Variants in TEC observed in about 807,000 individuals in gnomAD.
The protein encoded by TEC is tec protein tyrosine kinase, also known as tyrosine-protein kinase Tec.
TEC carries 72 observed loss-of-function variants against 93.0 expected under a neutral mutation model. The ratio of observed to expected loss-of-function variants is 0.77; its 90% confidence interval spans 0.64 to 0.94. TEC has a LOEUF of 0.94. Among genes scored for constraint, TEC ranks in the 40% least tolerant of loss-of-function variants. TEC has a pLI of 0.00. For missense variants in TEC, 630 were observed against 757.9 expected, an observed-to-expected ratio of 0.83 and a Z score of 1.98; for synonymous variants, 249 against 247.7, an observed-to-expected ratio of 1.01 and a Z score of -0.05.
chr4:48,257,715 T>G (rs555122209), intron 1 of TEC, among the ~76,000 whole-genome samples: 2 of 152,306 alleles, frequency 1.3e-5, no homozygotes, highest in South Asian at 4.1e-4. Context: ...TACTTGGGAA[T>G]AAAGAAGGTA....
At chr4:48,160,836 A>G (rs1242612700) in intron 8 of TEC, among the ~76,000 whole-genome samples, 3 of 144,992 alleles carry the variant, frequency 2.1e-5, no homozygotes, top group African/African-American at 5.0e-5. Context: ...AGAGGGAGGG[A>G]GGGAGAGAGG....
chr4:48,137,096 A>G lies in TEC; in HGVS notation c.*320T>C, dbSNP rs147507278. 2 of 261,974 alleles carry G rather than the reference A, an allele frequency of 7.6e-6. No homozygotes were observed. Among genetic ancestry groups the G allele is most frequent in the African/African-American group, 4.5e-5 (2 of 44,478 alleles). 16.2% of individuals were successfully genotyped at this position (261,974 alleles called of 1,614,324 possible). On this transcript the variant is annotated 3_prime_UTR_variant, in exon 18 of 18. Coordinates refer to ENST00000381501, the MANE Select transcript of TEC (RefSeq NM_003215.3). Reference sequence around the variant, plus strand: ...TGGCCTTCAACTGGCATCAGCTAACATGGTCCCATGTGTGCACCCCTGAAT... The same window carrying G: ...TGGCCTTCAACTGGCATCAGCTAACGTGGTCCCATGTGTGCACCCCTGAAT...
intron 2 of TEC, among the ~76,000 whole-genome samples, chr4:48,224,343 C>A (rs1357656957): frequency 6.6e-6 from 1 of 152,176 alleles, no homozygotes; most frequent in South Asian, 2.1e-4. Flanking sequence ...AACATCTCAA[C>A]CTATAGAAAT....
chr4:48,196,508 A>G (rs1722306413), intron 2 of TEC, among the ~76,000 whole-genome samples: 1 of 152,236 alleles, frequency 6.6e-6, no homozygotes, highest in Non-Finnish European at 1.5e-5. Flanking sequence ...GCTGACAAAC[A>G]GTTTAAGTGC....
At chr4:48,221,122 T>A (rs1723245616) in intron 2 of TEC, among the ~76,000 whole-genome samples, 1 of 152,196 alleles carries the variant, frequency 6.6e-6, no homozygotes, top group Non-Finnish European at 1.5e-5. Context: ...AACAACAGGA[T>A]AAAGAGATAC....
intron 1 of TEC, among the ~76,000 whole-genome samples, chr4:48,254,414 T>C (rs1245856286): frequency 6.6e-6 from 1 of 152,210 alleles, no homozygotes; most frequent in Non-Finnish European, 1.5e-5. Flanking sequence ...GCAATGCTGT[T>C]ACTCTGTGAG....
chr4:48,205,934 C>T (rs1722701215), intron 2 of TEC, among the ~76,000 whole-genome samples: 2 of 152,084 alleles, frequency 1.3e-5, no homozygotes, highest in South Asian at 4.1e-4. Context: ...GGAAACAACC[C>T]AAATATCCAC....
chr4:48,155,147 T>A (rs187229253), intron 9 of TEC, among the ~76,000 whole-genome samples: 100 of 152,322 alleles, frequency 6.6e-4, no homozygotes, highest in African/African-American at 2.3e-3. Flanking sequence ...CTATGAAAGT[T>A]GGAATGTTTG....
intron 1 of TEC, among the ~76,000 whole-genome samples, chr4:48,234,627 A>G (rs1723735375): frequency 6.6e-6 from 1 of 152,262 alleles, no homozygotes; most frequent in Admixed American, 6.5e-5. Flanking sequence ...AGAAAAGGAA[A>G]AATAATCACA....
intron 15 of TEC, 71 bp from the exon 16 acceptor site, chr4:48,139,093 T>C: frequency 2.2e-6 from 3 of 1,364,608 alleles, no homozygotes; most frequent in Non-Finnish European, 3.1e-6. Flanking sequence ...TCTTTCATTT[T>C]TTTCCCCTTG....
At chr4:48,262,343 C>T (rs528714048) in intron 1 of TEC, among the ~76,000 whole-genome samples, 7 of 151,542 alleles carry the variant, frequency 4.6e-5, no homozygotes, top group Non-Finnish European at 7.4e-5. Context: ...ATTACAGGCA[C>T]GTGCCACCAG....
chr4:48,142,078 G>A (rs762135646), intron 14 of TEC, among the ~76,000 whole-genome samples: 32 of 152,188 alleles, frequency 2.1e-4, no homozygotes, highest in African/African-American at 6.0e-4. Flanking sequence ...TCCTTAATCC[G>A]GTTCTCACTA....
At chr4:48,210,487 T>TA (rs576347308) in intron 2 of TEC, among the ~76,000 whole-genome samples, 21,756 of 147,338 alleles carry the variant, frequency 0.15, 2,220 homozygotes, top group East Asian at 0.31. Context: ...TGCCTCTTTA[T>TA]AAAAAAAATG....
intron 2 of TEC, among the ~76,000 whole-genome samples, chr4:48,227,641 C>CA (rs34047322): frequency 0.44 from 36,832 of 83,666 alleles, 6,478 homozygotes; most frequent in African/African-American, 0.53. Flanking sequence ...GACACTGTCT[C>CA]AAAAAAAAAA....
chr4:48,251,913 T>C (rs1455415604), intron 1 of TEC, among the ~76,000 whole-genome samples: 1 of 152,084 alleles, frequency 6.6e-6, no homozygotes, highest in Non-Finnish European at 1.5e-5. Flanking sequence ...CTACCTGACA[T>C]AGAATAAACA....
At position 48,138,987 on chromosome 4, in the gene TEC, C is replaced by G; in HGVS notation, c.1571G>C (p.Gly524Ala). 1 of 1,614,190 alleles carries G rather than the reference C, an allele frequency of 6.2e-7. No homozygotes were observed. The highest frequency in any genetic ancestry group is 8.5e-7 in the Non-Finnish European group (1 of 1,180,022). ...ACACCACTTCACAGGAAACTTAGCA[C>G]CAGAAGAACTTGTGTACTGATCATC... ...VLDDQYTSSS[G>A]AKFPVKWCPP... is the part of the protein sequence containing the mutation. Residue 524 changes from glycine (G) to alanine (A), a missense_variant, in exon 16 of 18, where the codon GGT (glycine) becomes GCT (alanine). Transcript: ENST00000381501.
intron 1 of TEC, among the ~76,000 whole-genome samples, chr4:48,247,500 GATGA>G (rs917840442): frequency 6.6e-6 from 1 of 152,066 alleles, no homozygotes; most frequent in Admixed American, 6.6e-5. Flanking sequence ...TCTGCCAACT[GATGA>G]ATGAATAAAC....
At chr4:48,172,520 G>A (rs1462882567) in intron 3 of TEC, among the ~76,000 whole-genome samples, 1 of 151,606 alleles carries the variant, frequency 6.6e-6, no homozygotes, top group African/African-American at 2.4e-5. Context: ...CTACAACCTG[G>A]AACCCCCTCG....
At chr4:48,245,295 GAA>G (rs10622690) in intron 1 of TEC, among the ~76,000 whole-genome samples, 1 of 145,364 alleles carries the variant, frequency 6.9e-6, no homozygotes. Context: ...CCTTCTCCAG[GAA>G]AAAAAAAAAA....
Sources: allele counts gnomAD v4.1 joint callset (sites outside exome capture counted in the v4.1 genomes callset), GRCh38; gene constraint gnomAD v4.1.1; transcripts MANE v1.5; gene names NCBI Gene and HGNC (gene_info 2026-07-23, HGNC 2026-07-21).